The following UBXN7 variants were observed in gnomAD, a reference collection of about 807,000 sequenced individuals.
The protein encoded by UBXN7 is UBX domain protein 7.
Under a neutral mutation model 58.0 loss-of-function variants are expected in UBXN7, and 9 were observed. The observed-to-expected ratio is 0.16, with a 90% CI of 0.09 to 0.27. The LOEUF is 0.27. Among genes scored for constraint, UBXN7 ranks in the 10% least tolerant of loss-of-function variants. The pLI is 1.00. For missense variants in UBXN7, 328 were observed against 599.6 expected (o/e 0.55, Z 4.73); for synonymous variants, 208 against 205.0 (o/e 1.01, Z -0.12).
intron 1 of UBXN7, among the ~76,000 whole-genome samples, chr3:196,430,833 ATGATT>A (rs1196462711): frequency 1.3e-5 from 2 of 152,350 alleles, no homozygotes; most frequent in East Asian, 3.9e-4. Flanking sequence ...CTCCATAGCA[ATGATT>A]TGTCAGACAT....
Position 196,362,382 on chromosome 3 carries a change from G to A in UBXN7, c.1140C>T (p.Asn380=), listed in dbSNP as rs1342932798. The part of the protein sequence containing the change: ...PVRTDPGTAT[N]HQGLPAVDSE... The stretch of plus-strand genomic sequence containing the variant: ...AATCCACAGCTGGCAATCCTTGGTG[G>A]TTTGTGGCTGTTCCAGGATCAGTTC... Residue 380 remains asparagine, a synonymous_variant, in exon 9 of 11, where the codon AAC becomes AAT. Coordinates refer to ENST00000296328, the MANE Select transcript of UBXN7 (RefSeq NM_015562.2). 1.9e-6 allele frequency: 3 copies of A among 1,614,202 alleles called. No homozygotes were observed. In the South Asian group the frequency reaches 3.3e-5, roughly 18 times the overall value.
chr3:196,366,474 TA>T lies in UBXN7; in HGVS notation c.834+1553del, dbSNP rs112614079. The stretch of plus-strand genomic sequence containing the variant: ...AAGGCTAGCAAGTTTTTTTTTTTTT[TA>T]AAGTTCTCTCAAGGCTGCAAAGACT... On this transcript the variant is annotated intron_variant, in intron 8 of 10. Transcript: ENST00000296328. Among the ~76,000 whole-genome samples, 79 of 149,978 alleles carry T rather than the reference TA, an allele frequency of 5.3e-4. 1 individual carries two copies. The highest frequency in any genetic ancestry group is 3.5e-3 in the Middle Eastern group (1 of 288).
Position 196,403,024 on chromosome 3 carries a change from T to G in UBXN7, c.222-5A>C. 6.4e-7 allele frequency: 1 copy of G among 1,556,236 alleles called. No individual in the cohort carries two copies. Among genetic ancestry groups the G allele is most frequent in the Non-Finnish European group, 8.7e-7 (1 of 1,153,066 alleles). ...ATTGGGGCACGAACTTCTTCTCTAT[T>G]AAAAAAAAATGGGAAAATAAAAAAT... On this transcript the variant is annotated splice_region_variant and splice_polypyrimidine_tract_variant and intron_variant, in intron 2 of 10. Transcript: ENST00000296328.
intron 5 of UBXN7, among the ~76,000 whole-genome samples, chr3:196,376,473 G>A (rs535968655): frequency 6.7e-6 from 1 of 148,502 alleles, no homozygotes; most frequent in East Asian, 2.0e-4. Flanking sequence ...TTGAACCCAG[G>A]AGGCGGAGGT....
At chr3:196,386,449 T>C (rs888870870) in intron 5 of UBXN7, among the ~76,000 whole-genome samples, 26 of 149,692 alleles carry the variant, frequency 1.7e-4, no homozygotes, top group Non-Finnish European at 3.4e-4. Flanking sequence ...GATGACATGA[T>C]TGTATATTTA....
At chr3:196,395,615 G>T (rs1729744584) in intron 3 of UBXN7, among the ~76,000 whole-genome samples, 1 of 150,842 alleles carries the variant, frequency 6.6e-6, no homozygotes, top group African/African-American at 2.4e-5. Context: ...CAGTTTTTTT[G>T]TTTGTTTGTT....
chr3:196,390,248 T>C (rs753738179), intron 5 of UBXN7, among the ~76,000 whole-genome samples: 2 of 151,392 alleles, frequency 1.3e-5, no homozygotes, highest in Non-Finnish European at 2.9e-5. Flanking sequence ...AAGGGAAAGA[T>C]AGGGTCTCAC....
At chr3:196,429,374 G>A (rs958169616) in intron 1 of UBXN7, among the ~76,000 whole-genome samples, 7 of 151,292 alleles carry the variant, frequency 4.6e-5, no homozygotes, top group African/African-American at 1.7e-4. Context: ...CTGAATCAGA[G>A]AGAGATCTGT....
intron 6 of UBXN7, among the ~76,000 whole-genome samples, chr3:196,370,387 A>C (rs56277714): frequency 0.041 from 6,235 of 151,446 alleles, 187 homozygotes; most frequent in Middle Eastern, 0.058. Flanking sequence ...TAGGGGTTAG[A>C]GCCTGCAGTG....
chr3:196,378,453 T>G (rs1302985484), intron 5 of UBXN7, among the ~76,000 whole-genome samples: 1 of 152,246 alleles, frequency 6.6e-6, no homozygotes, highest in East Asian at 1.9e-4. Context: ...GAAAGCAAGT[T>G]TATTAAGAAA....
chr3:196,424,080 AG>A (rs1481153939), intron 1 of UBXN7, among the ~76,000 whole-genome samples: 1 of 151,602 alleles, frequency 6.6e-6, no homozygotes, highest in Non-Finnish European at 1.5e-5. Context: ...TAGTGGAGAC[AG>A]GGTTTCACCA....
intron 5 of UBXN7, among the ~76,000 whole-genome samples, chr3:196,386,559 C>G (rs200048766): frequency 6.6e-6 from 1 of 152,006 alleles, no homozygotes; most frequent in African/African-American, 2.4e-5. Flanking sequence ...ACAAGCATTC[C>G]TATACACCAT....
intron 1 of UBXN7, among the ~76,000 whole-genome samples, chr3:196,415,487 G>A (rs1362492999): frequency 1.4e-5 from 2 of 145,594 alleles, no homozygotes; most frequent in African/African-American, 5.0e-5. Context: ...GACTATACAA[G>A]TTCAGCAGGC....
rs559489408 is a variant in UBXN7 at position 196,357,786 on chromosome 3, G to A, written c.1309-940C>T. 1.4e-4 allele frequency among the ~76,000 whole-genome samples: 22 copies of A among 152,278 alleles called. No homozygotes were observed. The South Asian group carries it at 4.6e-3, about 32-fold the overall frequency. On this transcript the variant is annotated intron_variant, in intron 10 of 10. Coordinates refer to ENST00000296328, the MANE Select transcript of UBXN7 (RefSeq NM_015562.2). ...GAGGCAGAATTGCTTGAACCTGGGA[G>A]GCTGAGGTTGCAGTGAGCCAAGATC...
At chr3:196,360,434 T>C (rs1007616289) in intron 10 of UBXN7, among the ~76,000 whole-genome samples, 4 of 152,116 alleles carry the variant, frequency 2.6e-5, no homozygotes, top group Non-Finnish European at 5.9e-5. Context: ...CATTCCAAAA[T>C]CCCAGGTCCC....
chr3:196,376,579 G>C (rs904646069), intron 5 of UBXN7, among the ~76,000 whole-genome samples: 1 of 132,600 alleles, frequency 7.5e-6, no homozygotes. Flanking sequence ...GAAAAGAAAA[G>C]AAAAAGGAAA....
rs760126820 is a variant in UBXN7 at position 196,362,733 on chromosome 3, C to A, written c.835-46G>T. 4.5e-6 allele frequency: 7 copies of A among 1,548,224 alleles called. No homozygotes were observed. In the South Asian group the frequency reaches 8.6e-5, roughly 19 times the overall value. On this transcript the variant is annotated intron_variant, in intron 8 of 10. Coordinates refer to ENST00000296328, the MANE Select transcript of UBXN7 (RefSeq NM_015562.2). Reference sequence around the variant, plus strand: ...ACACAGGAAAAAGAACAAGTTAAACCAAAAAACAAGTCAAACGGCATAAGA... The same window carrying A: ...ACACAGGAAAAAGAACAAGTTAAACAAAAAAACAAGTCAAACGGCATAAGA...
At chr3:196,378,402 T>A (rs1258189191) in intron 5 of UBXN7, among the ~76,000 whole-genome samples, 1 of 152,210 alleles carries the variant, frequency 6.6e-6, no homozygotes, top group Non-Finnish European at 1.5e-5. Context: ...TGTACCCTTA[T>A]CAGCTCCTCC....
chr3:196,425,237 C>CTG (rs1730810115), intron 1 of UBXN7, among the ~76,000 whole-genome samples: 1 of 151,190 alleles, frequency 6.6e-6, no homozygotes, highest in East Asian at 2.0e-4. Context: ...CATTTTGACT[C>CTG]TGATTTCTTC....
Sources: gnomAD v4.1 joint callset for allele counts (sites outside exome capture counted in the v4.1 genomes callset) on GRCh38, gnomAD v4.1.1 for gene constraint, MANE v1.5 for transcripts, NCBI Gene and HGNC (gene_info 2026-07-23, HGNC 2026-07-21) for gene names.